The following EXOC2 variants were observed in gnomAD, a reference collection of about 807,000 sequenced individuals.
EXOC2 encodes exocyst complex component 2, also known as SEC5-like 1.
EXOC2 carries 70 observed loss-of-function variants against 131.8 expected under a neutral mutation model. The observed-to-expected ratio is 0.53, with a 90% CI of 0.44 to 0.65. The LOEUF (loss-of-function observed/expected upper bound fraction) is 0.65, where lower values mean the gene tolerates loss of function less well. Among genes scored for constraint, EXOC2 ranks in the 30% least tolerant of loss-of-function variants. The probability of loss-of-function intolerance (pLI) is 0.00; values close to 1 mark genes in which losing one functional copy is unlikely to be tolerated. For synonymous variants in EXOC2, 411 were observed against 398.4 expected, an observed-to-expected ratio of 1.03 and a Z score of -0.38; for missense variants, 923 against 1,108.6, an observed-to-expected ratio of 0.83 and a Z score of 2.38.
At chr6:492,823 G>A (rs1027351238) in intron 25 of EXOC2, among the ~76,000 whole-genome samples, 1 of 152,176 alleles carries the variant, frequency 6.6e-6, no homozygotes, top group Non-Finnish European at 1.5e-5. Flanking sequence ...ATTGATGATG[G>A]TGATGACTGG....
intron 25 of EXOC2, among the ~76,000 whole-genome samples, chr6:492,287 C>T (rs575059832): frequency 6.6e-6 from 1 of 152,294 alleles, no homozygotes; most frequent in African/African-American, 2.4e-5. Flanking sequence ...GATGTAGAGA[C>T]ATTGGAACCC....
intron 4 of EXOC2, among the ~76,000 whole-genome samples, chr6:626,220 T>C (rs6931941): frequency 0.93 from 141,617 of 152,208 alleles, 65,965 homozygotes; most frequent in East Asian, 1. Flanking sequence ...ATCATGACAC[T>C]CTGTGTGCAA....
At chr6:592,401 A>T in intron 11 of EXOC2, 68 bp downstream of exon 11, 2 of 1,318,818 alleles carry the variant, frequency 1.5e-6, no homozygotes, top group African/African-American at 2.9e-5. Flanking sequence ...CTTCATCATT[A>T]AACATTCCCA....
At chr6:621,604 C>G (rs529115460) in intron 4 of EXOC2, among the ~76,000 whole-genome samples, 1 of 152,236 alleles carries the variant, frequency 6.6e-6, no homozygotes, top group South Asian at 2.1e-4. Flanking sequence ...ATGATGATAA[C>G]AGAAAAGAAG....
intron 11 of EXOC2, among the ~76,000 whole-genome samples, chr6:590,039 T>C (rs1011421251): frequency 1.3e-5 from 2 of 151,002 alleles, no homozygotes; most frequent in African/African-American, 4.9e-5. Context: ...GGTGTGAACC[T>C]GGGAGGCGGA....
chr6:486,811 C>T, intron 27 of EXOC2, 47 bp from the exon 28 acceptor site: 1 of 1,506,000 alleles, frequency 6.6e-7, no homozygotes, highest in Non-Finnish European at 9.2e-7. Context: ...ATGGGGCGGC[C>T]TAGCAACGCA....
intron 22 of EXOC2, among the ~76,000 whole-genome samples, chr6:540,223 G>A (rs1766728224): frequency 6.6e-6 from 1 of 152,174 alleles, no homozygotes; most frequent in African/African-American, 2.4e-5. Flanking sequence ...CCAGAGTGCA[G>A]GGATTACAGG....
chr6:557,409 A>G (rs1286893832), intron 17 of EXOC2, among the ~76,000 whole-genome samples: 1 of 152,078 alleles, frequency 6.6e-6, no homozygotes, highest in Non-Finnish European at 1.5e-5. Flanking sequence ...CACGAGGTCA[A>G]GAGATTGAGA....
At chr6:680,245 C>CCA (rs1764341024) in intron 1 of EXOC2, among the ~76,000 whole-genome samples, 1 of 152,140 alleles carries the variant, frequency 6.6e-6, no homozygotes, top group Admixed American at 6.5e-5. Context: ...TGACATTGCA[C>CCA]CCAGCCCCAG....
At chr6:507,626 C>T (rs1764640266) in intron 23 of EXOC2, among the ~76,000 whole-genome samples, 1 of 152,114 alleles carries the variant, frequency 6.6e-6, no homozygotes, top group Admixed American at 6.5e-5. Flanking sequence ...GCTCGTGTTC[C>T]TTTAGTGCTG....
intron 7 of EXOC2, among the ~76,000 whole-genome samples, chr6:609,659 G>A (rs1245442972): frequency 2.0e-5 from 3 of 152,030 alleles, no homozygotes; most frequent in African/African-American, 7.2e-5. Context: ...TTAGAAAAAG[G>A]CAAGTTATAC....
intron 2 of EXOC2, among the ~76,000 whole-genome samples, chr6:633,521 T>C (rs1434231487): frequency 6.6e-6 from 1 of 152,266 alleles, no homozygotes; most frequent in Non-Finnish European, 1.5e-5. Flanking sequence ...TGTATCATTT[T>C]CTAAAAACAT....
chr6:648,249 G>T (rs933366701), intron 1 of EXOC2, among the ~76,000 whole-genome samples: 1 of 152,106 alleles, frequency 6.6e-6, no homozygotes, highest in Non-Finnish European at 1.5e-5. Context: ...CTACAAGATA[G>T]TATGTTCTTA....
intron 20 of EXOC2, among the ~76,000 whole-genome samples, chr6:554,704 T>A (rs1245735431): frequency 6.8e-6 from 1 of 146,304 alleles, no homozygotes; most frequent in Non-Finnish European, 1.5e-5. Flanking sequence ...ATGCCAAGTA[T>A]AATTCAGAAA....
At chr6:507,160 A>AC (rs1205494477) in intron 23 of EXOC2, among the ~76,000 whole-genome samples, 8 of 34,394 alleles carry the variant, frequency 2.3e-4, no homozygotes, top group East Asian at 8.4e-4. Context: ...ACAAGAAGTG[A>AC]CCCCCCCACC....
At chr6:636,600 CATA>C (rs1762112510) in intron 2 of EXOC2, among the ~76,000 whole-genome samples, 1 of 152,186 alleles carries the variant, frequency 6.6e-6, no homozygotes, top group African/African-American at 2.4e-5. Flanking sequence ...AACCAGCAGT[CATA>C]ATGCAGGAAA....
rs1175517688 is a variant in EXOC2 at position 507,129 on chromosome 6, CACACACAT to C, written c.2381-7437_2381-7430del. 8.6e-5 allele frequency among the ~76,000 whole-genome samples: 4 copies of C among 46,460 alleles called. 1 individual carries two copies. The highest frequency in any genetic ancestry group is 1.7e-4 in the African/African-American group (4 of 23,948). The allele number at this position is 46,460 out of a possible 152,430, so 30.5% of individuals were successfully genotyped here. On this transcript the variant is annotated intron_variant, in intron 23 of 27. Transcript: ENST00000230449. The stretch of plus-strand genomic sequence containing the variant: ...ACACAGCAGTGACTACACACATACA[CACACACAT>C]ACACACACACACACAAGAAGTGACC...
Position 613,690 on chromosome 6 carries a change from G to A in EXOC2, c.662-3512C>T, listed in dbSNP as rs367602316. Among the ~76,000 whole-genome samples, 9 of 152,264 alleles carry A rather than the reference G, an allele frequency of 5.9e-5. No homozygotes were observed. The South Asian group carries it at 1.9e-3, about 32-fold the overall frequency. On this transcript the variant is annotated intron_variant, in intron 6 of 27. Coordinates refer to ENST00000230449, the MANE Select transcript of EXOC2 (RefSeq NM_018303.6). ...TCCCAGAATGGCAGGAAAACAGAAG[G>A]AAACCGGGAGGAGGCATCCACTGCT... is the stretch of plus-strand genomic sequence containing the variant.
At position 555,995 on chromosome 6, in the gene EXOC2, T is replaced by C. The variant is rs1449811295; in HGVS notation, c.1951A>G (p.Thr651Ala). 1 of 1,614,092 alleles carries C rather than the reference T, an allele frequency of 6.2e-7. No individual in the cohort carries two copies. Among genetic ancestry groups the C allele is most frequent in the Admixed American group, 1.7e-5 (1 of 60,012 alleles). ...CTTAGCTGGCAAACCTCCTCCTGTG[T>C]TTTAGGTTGTTGGAAGACCTGTAAG... Reference protein sequence around the residue: ...GEASVFQQPKTQEEVCQLSIN... With the variant: ...GEASVFQQPKAQEEVCQLSIN... Residue 651 changes from threonine to alanine, a missense_variant, in exon 19 of 28, where the codon ACA (threonine) becomes GCA (alanine). By Grantham distance (58) the Thr-to-Ala change is moderately conservative. Coordinates refer to ENST00000230449, the MANE Select transcript of EXOC2 (RefSeq NM_018303.6).
Sources: gnomAD v4.1 joint callset for allele counts (sites outside exome capture counted in the v4.1 genomes callset) on GRCh38, gnomAD v4.1.1 for gene constraint, MANE v1.5 for transcripts, NCBI Gene and HGNC (gene_info 2026-07-23, HGNC 2026-07-21) for gene names.